Variants in PLCB1 observed in about 807,000 individuals in gnomAD.
PLCB1 encodes the protein 1-phosphatidylinositol 4,5-bisphosphate phosphodiesterase beta-1.
Under a neutral mutation model 161.8 loss-of-function variants are expected in PLCB1, and 46 were observed. That is an observed-to-expected ratio of 0.28 (90% CI 0.22 to 0.36). The LOEUF (loss-of-function observed/expected upper bound fraction) is 0.36, where lower values mean the gene tolerates loss of function less well. Ranked by LOEUF, PLCB1 falls within the 10% of genes least tolerant of loss-of-function variation. The pLI, the probability that PLCB1 is intolerant of heterozygous loss-of-function variation, is 1.00. For synonymous variants in PLCB1, 517 were observed against 503.7 expected (o/e 1.03, Z -0.35); for missense variants, 1,016 against 1,472.5 (o/e 0.69, Z 5.07).
At chr20:8,306,680 T>C (rs1232463789) in intron 2 of PLCB1, among the ~76,000 whole-genome samples, 1 of 152,262 alleles carries the variant, frequency 6.6e-6, no homozygotes, top group African/African-American at 2.4e-5. Context: ...GTTGTTTTAA[T>C]ATTGGTTATG....
chr20:8,358,530 C>T (rs992752441), intron 2 of PLCB1, among the ~76,000 whole-genome samples: 2 of 152,100 alleles, frequency 1.3e-5, no homozygotes, highest in Admixed American at 6.5e-5. Context: ...GGATTACAGG[C>T]GTGAGCCACC....
intron 3 of PLCB1, among the ~76,000 whole-genome samples, chr20:8,393,212 A>C (rs137916426): frequency 4.5e-4 from 68 of 152,290 alleles, no homozygotes; most frequent in Non-Finnish European, 8.4e-4. Context: ...ATTTCAGGTA[A>C]GAACAGAGGG....
intron 2 of PLCB1, among the ~76,000 whole-genome samples, chr20:8,218,084 G>A (rs1979225328): frequency 1.3e-5 from 2 of 152,030 alleles, no homozygotes; most frequent in South Asian, 4.2e-4. Flanking sequence ...CTGAATTTTT[G>A]GTTCACATTT....
chr20:8,589,816 A>C (rs147476801), intron 3 of PLCB1, among the ~76,000 whole-genome samples: 1,547 of 151,604 alleles, frequency 0.01, 16 homozygotes, highest in Non-Finnish European at 0.015. Flanking sequence ...GAGAAGTCTC[A>C]TTATGTTGCT....
At chr20:8,714,569 A>G (rs375521974) in intron 12 of PLCB1, among the ~76,000 whole-genome samples, 10 of 152,110 alleles carry the variant, frequency 6.6e-5, no homozygotes, top group South Asian at 4.1e-4. Context: ...ACGACCTCCA[A>G]TGCTTTTCAG....
At chr20:8,837,826 T>A (rs546341735) in intron 31 of PLCB1, among the ~76,000 whole-genome samples, 98 of 152,218 alleles carry the variant, frequency 6.4e-4, no homozygotes, top group Middle Eastern at 3.4e-3. Flanking sequence ...AATTGAGAAA[T>A]CTAAATGTAA....
intron 31 of PLCB1, among the ~76,000 whole-genome samples, chr20:8,858,770 A>G (rs952038429): frequency 3.3e-5 from 5 of 152,184 alleles, no homozygotes; most frequent in African/African-American, 1.2e-4. Flanking sequence ...AGGTGACCAG[A>G]TGAACTGAAC....
At chr20:8,525,903 T>C (rs1196431681) in intron 3 of PLCB1, among the ~76,000 whole-genome samples, 2 of 151,882 alleles carry the variant, frequency 1.3e-5, no homozygotes, top group African/African-American at 4.8e-5. Context: ...AAAATGAAAA[T>C]TGGGATTGAA....
intron 2 of PLCB1, among the ~76,000 whole-genome samples, chr20:8,221,208 T>C (rs1979389117): frequency 6.6e-6 from 1 of 152,192 alleles, no homozygotes; most frequent in South Asian, 2.1e-4. Context: ...CTCTAGTTTA[T>C]AAGACTGTGA....
chr20:8,249,919 C>CA (rs1443557122), intron 2 of PLCB1, among the ~76,000 whole-genome samples: 1 of 151,882 alleles, frequency 6.6e-6, no homozygotes, highest in Non-Finnish European at 1.5e-5. Flanking sequence ...GTTACCCATT[C>CA]AAAATTTATG....
At chr20:8,343,971 C>T (rs1294638542) in intron 2 of PLCB1, among the ~76,000 whole-genome samples, 3 of 152,204 alleles carry the variant, frequency 2.0e-5, no homozygotes, top group Non-Finnish European at 4.4e-5. Context: ...TGTCAACCTC[C>T]ATGTCCAATG....
At chr20:8,475,142 C>T (rs1982219852) in intron 3 of PLCB1, among the ~76,000 whole-genome samples, 1 of 152,000 alleles carries the variant, frequency 6.6e-6, no homozygotes, top group Admixed American at 6.6e-5. Flanking sequence ...GAAAAATGTT[C>T]AATCATTAAG....
At chr20:8,326,381 T>A (rs1352649972) in intron 2 of PLCB1, among the ~76,000 whole-genome samples, 1 of 152,220 alleles carries the variant, frequency 6.6e-6, no homozygotes, top group East Asian at 1.9e-4. Flanking sequence ...AGGTTTGCAT[T>A]CCAGCCCAGC....
chr20:8,509,238 C>A (rs73894562), intron 3 of PLCB1, among the ~76,000 whole-genome samples: 2,664 of 152,156 alleles, frequency 0.018, 80 homozygotes, highest in African/African-American at 0.061. Flanking sequence ...AGTGACCCCC[C>A]ACAAGTTCCT....
At chr20:8,248,906 T>TGA (rs1981009995) in intron 2 of PLCB1, 2 of 151,950 alleles carry the variant, frequency 1.3e-5, no homozygotes, top group Admixed American at 6.6e-5. Context: ...TATATAGGAC[T>TGA]ATTCCTCCTA....
At chr20:8,427,102 G>A (rs1307703846) in intron 3 of PLCB1, among the ~76,000 whole-genome samples, 1 of 152,010 alleles carries the variant, frequency 6.6e-6, no homozygotes, top group Non-Finnish European at 1.5e-5. Flanking sequence ...GTAGAGATGG[G>A]GTTTCACCAT....
At chr20:8,246,846 C>T (rs1980903272) in intron 2 of PLCB1, among the ~76,000 whole-genome samples, 1 of 151,808 alleles carries the variant, frequency 6.6e-6, no homozygotes, top group South Asian at 2.1e-4. Context: ...TTTGCTTCCT[C>T]TGAATGACTA....
chr20:8,309,089 A>G (rs1984271820), intron 2 of PLCB1, among the ~76,000 whole-genome samples: 1 of 151,914 alleles, frequency 6.6e-6, no homozygotes, highest in African/African-American at 2.4e-5. Context: ...GAGGAATAGT[A>G]TTTTTCTGAC....
intron 3 of PLCB1, among the ~76,000 whole-genome samples, chr20:8,554,190 G>T (rs1460781237): frequency 2.0e-5 from 3 of 151,940 alleles, no homozygotes; most frequent in African/African-American, 7.2e-5. Context: ...AAAACTCTCT[G>T]GCAGTTTCTA....
Sources: allele counts gnomAD v4.1 joint callset (sites outside exome capture counted in the v4.1 genomes callset), GRCh38; gene constraint gnomAD v4.1.1; transcripts MANE v1.5; gene names NCBI Gene and HGNC (gene_info 2026-07-23, HGNC 2026-07-21).